Variants in PRTG observed in about 807,000 individuals in gnomAD.
The protein encoded by PRTG is immunoglobulin superfamily, DCC subclass, member 5.
PRTG carries 67 observed loss-of-function variants against 122.5 expected under a neutral mutation model. That is an observed-to-expected ratio of 0.55 (90% CI 0.45 to 0.67). The LOEUF is 0.67. PRTG is among the 30% of genes least tolerant of loss of function. The pLI is 0.00. For missense variants in PRTG, 1,435 were observed against 1,415.4 expected (o/e 1.01, Z -0.22); for synonymous variants, 554 against 501.1 (o/e 1.11, Z -1.41).
At chr15:55,634,188 C>T (rs549969406) in intron 15 of PRTG, among the ~76,000 whole-genome samples, 84 of 151,080 alleles carry the variant, frequency 5.6e-4, no homozygotes, top group Non-Finnish European at 1.0e-3. Flanking sequence ...CTGCCTCAGC[C>T]TACCTAGTAG....
At chr15:55,680,420 T>G (rs897271647) in intron 5 of PRTG, 71 bp downstream of exon 5, 14 of 1,444,130 alleles carry the variant, frequency 9.7e-6, no homozygotes, top group Non-Finnish European at 1.3e-5. Flanking sequence ...AAAATAAACA[T>G]TTTATAAATT....
chr15:55,619,977 C>A lies in PRTG; in HGVS notation c.*35G>T, dbSNP rs376920021. 5.6e-6 allele frequency: 9 copies of A among 1,609,896 alleles called. No homozygotes were observed. The African/African-American group carries it at 6.7e-5, about 12-fold the overall frequency. The stretch of plus-strand genomic sequence containing the variant: ...GCAGGGTCTTCACACTTCCTCAATG[C>A]GGAATCTCCACCTGAATCACTGCCA... On this transcript the variant is annotated 3_prime_UTR_variant, in exon 20 of 20. Transcript: ENST00000389286.
intron 17 of PRTG, 48 bp from the exon 18 acceptor site, chr15:55,624,555 C>A (rs1460150513): frequency 1.0e-5 from 16 of 1,539,328 alleles, no homozygotes; most frequent in Non-Finnish European, 1.4e-5. Flanking sequence ...ATAGAAGATG[C>A]AGGCAAATGA....
intron 2 of PRTG, among the ~76,000 whole-genome samples, chr15:55,732,258 G>T (rs2031259120): frequency 6.6e-6 from 1 of 152,096 alleles, no homozygotes; most frequent in Non-Finnish European, 1.5e-5. Flanking sequence ...ACACAATCTG[G>T]GCTCACTGCT....
At chr15:55,709,238 A>G (rs2030281732) in intron 2 of PRTG, among the ~76,000 whole-genome samples, 1 of 145,830 alleles carries the variant, frequency 6.9e-6, no homozygotes, top group African/African-American at 2.5e-5. Context: ...TTATGGCCGT[A>G]ATTATGAGTG....
chr15:55,678,869 A>G (rs2059519945), intron 7 of PRTG, among the ~76,000 whole-genome samples: 1 of 152,336 alleles, frequency 6.6e-6, no homozygotes, highest in Non-Finnish European at 1.5e-5. Context: ...TATGCTAATA[A>G]AAATGAATTA....
At position 55,740,590 on chromosome 15, in the gene PRTG, G is replaced by T. The variant is rs769934023; in HGVS notation, c.189C>A (p.His63Gln). The T allele has an allele frequency of 6.2e-7, 1 of 1,613,238 alleles. No homozygotes were observed. Among genetic ancestry groups the T allele is most frequent in the Non-Finnish European group, 8.5e-7 (1 of 1,179,580 alleles). ...ATGTGACCTTAATAGGAACTTCTCC[G>T]TGAGCCTGGCAATCTAAAACGACTG... is the stretch of plus-strand genomic sequence containing the variant. ...KDPVVLDCQA[H>Q]GEVPIKVTWL... The change falls in exon 2 of 20, where the codon CAC becomes CAA. Residue 63 changes from histidine to glutamine, a missense_variant. His to Gln is a conservative substitution (Grantham distance 24). Transcript: ENST00000389286.
Position 55,618,648 on chromosome 15 carries a change from G to A in PRTG, c.*1364C>T, listed in dbSNP as rs149194792. ...ACTGACACTGAAGGAAGATTAAGTA[G>A]ATACCATATTCTCTAAAGAATTCAA... On this transcript the variant is annotated 3_prime_UTR_variant, in exon 20 of 20. Coordinates refer to ENST00000389286, the MANE Select transcript of PRTG (RefSeq NM_173814.6). 6.6e-6 allele frequency: 1 copy of A among 152,180 alleles called. No individual in the cohort carries two copies. The highest frequency in any genetic ancestry group is 2.4e-5 in the African/African-American group (1 of 41,532). The allele number at this position is 152,180 out of a possible 1,614,324, so 9.4% of individuals were successfully genotyped here.
intron 2 of PRTG, among the ~76,000 whole-genome samples, chr15:55,721,929 C>G (rs1035751485): frequency 2.0e-5 from 3 of 152,132 alleles, no homozygotes; most frequent in Non-Finnish European, 2.9e-5. Flanking sequence ...CCACCAGGTC[C>G]CTCCCACCAC....
chr15:55,680,356 T>G, intron 5 of PRTG, 135 bp downstream of exon 5: 1 of 1,175,658 alleles, frequency 8.5e-7, no homozygotes, highest in Non-Finnish European at 1.2e-6. Context: ...CTCTACTCAC[T>G]GAAATGCCAA....
chr15:55,738,396 T>G, intron 2 of PRTG: 1 of 670,620 alleles, frequency 1.5e-6, no homozygotes, highest in South Asian at 1.7e-5. Flanking sequence ...AGCCCTAGGA[T>G]TCTATCAGGC....
chr15:55,652,582 G>C (rs2059358925), intron 11 of PRTG, among the ~76,000 whole-genome samples: 1 of 152,076 alleles, frequency 6.6e-6, no homozygotes, highest in African/African-American at 2.4e-5. Context: ...GGTACGGCCT[G>C]CTCTGACACC....
At chr15:55,701,611 C>T (rs531030190) in intron 2 of PRTG, among the ~76,000 whole-genome samples, 69 of 152,316 alleles carry the variant, frequency 4.5e-4, no homozygotes, top group African/African-American at 1.6e-3. Flanking sequence ...AACTTACATT[C>T]ACACAAAAGT....
intron 2 of PRTG, among the ~76,000 whole-genome samples, chr15:55,724,227 T>C (rs1001740082): frequency 1.3e-5 from 2 of 152,206 alleles, no homozygotes; most frequent in Non-Finnish European, 2.9e-5. Context: ...GTTATTTCAC[T>C]ATTGATCTTT....
intron 4 of PRTG, chr15:55,681,296 C>T (rs1187564068): frequency 3.3e-5 from 5 of 151,812 alleles, no homozygotes. Context: ...TAATGTTTTT[C>T]TAAATTTCTT....
chr15:55,701,822 T>C (rs1035816671), intron 2 of PRTG, among the ~76,000 whole-genome samples: 1 of 152,188 alleles, frequency 6.6e-6, no homozygotes, highest in Non-Finnish European at 1.5e-5. Context: ...TCAAATGCAT[T>C]ATGCTGAGTA....
chr15:55,629,642 A>T (rs2059216348), intron 15 of PRTG, among the ~76,000 whole-genome samples: 1 of 151,804 alleles, frequency 6.6e-6, no homozygotes, highest in Admixed American at 6.6e-5. Context: ...CTACGGGCCC[A>T]CTCCACTGTG....
chr15:55,735,416 T>C (rs1423328198), intron 2 of PRTG, among the ~76,000 whole-genome samples: 6 of 152,060 alleles, frequency 3.9e-5, no homozygotes. Context: ...AATACTCCCT[T>C]AGCCTAAAAC....
At chr15:55,698,083 G>A (rs1464656140) in intron 2 of PRTG, among the ~76,000 whole-genome samples, 1 of 152,004 alleles carries the variant, frequency 6.6e-6, no homozygotes, top group African/African-American at 2.4e-5. Flanking sequence ...TTCTCCTGAC[G>A]CTCTTAATCC....
Sources: gnomAD v4.1 joint callset for allele counts (sites outside exome capture counted in the v4.1 genomes callset) on GRCh38, gnomAD v4.1.1 for gene constraint, MANE v1.5 for transcripts, NCBI Gene and HGNC (gene_info 2026-07-23, HGNC 2026-07-21) for gene names.